The following FOXP1 variants were observed in gnomAD, a reference collection of about 807,000 sequenced individuals.
FOXP1 encodes forkhead box protein P1.
Under a neutral mutation model 98.2 loss-of-function variants are expected in FOXP1, and 15 were observed. The ratio of observed to expected loss-of-function variants is 0.15; its 90% CI spans 0.10 to 0.24. The LOEUF (loss-of-function observed/expected upper bound fraction) is 0.24, where lower values mean the gene tolerates loss of function less well. Ranked by LOEUF, FOXP1 falls within the 10% of genes least tolerant of loss-of-function variation. The probability of loss-of-function intolerance (pLI) is 1.00; values close to 1 mark genes in which losing one functional copy is unlikely to be tolerated. For missense variants in FOXP1, 633 were observed against 848.5 expected (o/e 0.75, Z 3.15); for synonymous variants, 371 against 314.5 (o/e 1.18, Z -1.90).
intron 5 of FOXP1, among the ~76,000 whole-genome samples, chr3:71,231,016 C>T (rs1225586712): frequency 5.3e-5 from 8 of 152,108 alleles, no homozygotes; most frequent in South Asian, 2.1e-4. Flanking sequence ...TTTTTCCCTC[C>T]GCTCTTTAAT....
At chr3:71,022,511 C>T (rs2045579301) in intron 11 of FOXP1, among the ~76,000 whole-genome samples, 1 of 152,176 alleles carries the variant, frequency 6.6e-6, no homozygotes, top group African/African-American at 2.4e-5. Context: ...TTTCCCAGAT[C>T]CTGTTGATCC....
intron 13 of FOXP1, among the ~76,000 whole-genome samples, chr3:70,988,317 C>A (rs2040084495): frequency 2.0e-5 from 3 of 152,200 alleles, no homozygotes; most frequent in Non-Finnish European, 2.9e-5. Flanking sequence ...GACCTGCTGG[C>A]ACCACGCAGT....
intron 14 of FOXP1, among the ~76,000 whole-genome samples, chr3:70,982,980 T>C (rs144071448): frequency 2.6e-5 from 4 of 152,380 alleles, no homozygotes; most frequent in Admixed American, 6.5e-5. Flanking sequence ...TTTTCTGCTC[T>C]TGTTTTACTG....
At chr3:71,535,051 A>T (rs1459728618) in intron 2 of FOXP1, among the ~76,000 whole-genome samples, 1 of 152,172 alleles carries the variant, frequency 6.6e-6, no homozygotes, top group Non-Finnish European at 1.5e-5. Context: ...CAATGCTTGG[A>T]GAAGGAGCAG....
chr3:71,420,585 A>G (rs1386656313), intron 3 of FOXP1, among the ~76,000 whole-genome samples: 1 of 152,220 alleles, frequency 6.6e-6, no homozygotes, highest in Non-Finnish European at 1.5e-5. Context: ...ATAGTCACAC[A>G]TTCTACATAT....
At chr3:71,008,145 A>G (rs2043039302) in intron 12 of FOXP1, among the ~76,000 whole-genome samples, 1 of 152,198 alleles carries the variant, frequency 6.6e-6, no homozygotes, top group South Asian at 2.1e-4. Flanking sequence ...TCCCCCAAGC[A>G]CATAAGAGTA....
intron 9 of FOXP1, among the ~76,000 whole-genome samples, chr3:71,049,116 C>G (rs183707419): frequency 4.0e-4 from 61 of 152,212 alleles, no homozygotes; most frequent in Admixed American, 2.9e-3. Context: ...AAAAGGTCTC[C>G]GTGCAGTCCC....
intron 3 of FOXP1, among the ~76,000 whole-genome samples, chr3:71,403,695 A>C (rs114159714): frequency 0.012 from 1,802 of 151,956 alleles, 43 homozygotes; most frequent in African/African-American, 0.042. Flanking sequence ...TTAAAAATAC[A>C]AAAAAAATAG....
Position 71,082,462 on chromosome 3 carries a change from A to G in FOXP1, c.283-28689T>C, listed in dbSNP as rs367583353. On this transcript the variant is annotated intron_variant, in intron 7 of 20. Coordinates refer to ENST00000649528, the MANE Select transcript of FOXP1 (RefSeq NM_001349338.3). ...GGACACAGGGAGGGGAACATCACACACCGGGGCCTGTCAGGGGGTGGGGGG... is the reference window on the plus strand; with the variant it reads ...GGACACAGGGAGGGGAACATCACACGCCGGGGCCTGTCAGGGGGTGGGGGG... Among the ~76,000 whole-genome samples, 16 of 135,548 alleles carry G rather than the reference A, an allele frequency of 1.2e-4. No individual in the cohort carries two copies. The East Asian group carries it at 3.9e-3, about 33-fold the overall frequency. The allele number at this position is 135,548 out of a possible 152,430, so 88.9% of individuals were successfully genotyped here.
At chr3:71,535,393 G>C (rs1397929758) in intron 2 of FOXP1, among the ~76,000 whole-genome samples, 2 of 152,110 alleles carry the variant, frequency 1.3e-5, no homozygotes, top group Non-Finnish European at 2.9e-5. Context: ...CAGTGGCAAA[G>C]CAGAGATATG....
chr3:71,136,144 G>C (rs2059811315), intron 6 of FOXP1, among the ~76,000 whole-genome samples: 1 of 152,200 alleles, frequency 6.6e-6, no homozygotes, highest in Non-Finnish European at 1.5e-5. Flanking sequence ...CTAATGCTCT[G>C]AGACAGGTTA....
intron 6 of FOXP1, chr3:71,197,843 C>T (rs962759530): frequency 1.1e-5 from 18 of 1,594,108 alleles, no homozygotes; most frequent in Admixed American, 3.4e-5. Flanking sequence ...GCCTGTTTTT[C>T]GTTTAATTTT....
At chr3:71,336,129 G>C (rs1185446397) in intron 4 of FOXP1, among the ~76,000 whole-genome samples, 3 of 151,088 alleles carry the variant, frequency 2.0e-5, no homozygotes, top group African/African-American at 7.3e-5. Context: ...AAGGACAGAG[G>C]AGCGAATGCA....
intron 2 of FOXP1, among the ~76,000 whole-genome samples, chr3:71,565,356 G>A (rs1363122310): frequency 9.2e-5 from 14 of 152,100 alleles, no homozygotes; most frequent in Admixed American, 2.0e-4. Flanking sequence ...TTATTGTTAG[G>A]ATATTTTATT....
rs192575858 is a variant in FOXP1 at position 71,398,014 on chromosome 3, C to G, written c.-167-38770G>C. On this transcript the variant is annotated intron_variant, in intron 3 of 20. Transcript: ENST00000649528. Reference sequence around the variant, plus strand: ...GAAGGAAAACCAGAAAGATCACTACCTTCTGTCCACAGAATAGCTTTTAAG... The same window carrying G: ...GAAGGAAAACCAGAAAGATCACTACGTTCTGTCCACAGAATAGCTTTTAAG... Among the ~76,000 whole-genome samples the G allele has an allele frequency of 2.0e-5, 3 of 152,262 alleles. No homozygotes were observed. In the East Asian group the frequency reaches 5.8e-4, roughly 29 times the overall value.
At chr3:71,487,323 G>A (rs1264324524) in intron 3 of FOXP1, among the ~76,000 whole-genome samples, 1 of 152,178 alleles carries the variant, frequency 6.6e-6, no homozygotes, top group Admixed American at 6.5e-5. Flanking sequence ...GCTTCCCAGT[G>A]TTGGGATTAC....
intron 5 of FOXP1, among the ~76,000 whole-genome samples, chr3:71,270,701 T>C (rs914632171): frequency 6.6e-6 from 1 of 152,214 alleles, no homozygotes; most frequent in African/African-American, 2.4e-5. Context: ...CTTAATCTTC[T>C]TACAGGACAG....
intron 3 of FOXP1, among the ~76,000 whole-genome samples, chr3:71,474,668 T>C (rs1453963230): frequency 6.6e-6 from 1 of 151,940 alleles, no homozygotes; most frequent in African/African-American, 2.4e-5. Flanking sequence ...GCACTCCTTA[T>C]GAGAATCTAA....
At chr3:71,296,957 T>C (rs982740879) in intron 5 of FOXP1, among the ~76,000 whole-genome samples, 4 of 152,236 alleles carry the variant, frequency 2.6e-5, no homozygotes, top group African/African-American at 9.6e-5. Flanking sequence ...CCTAAGGTCC[T>C]TACTAGAAGT....
Sources: allele counts gnomAD v4.1 joint callset (sites outside exome capture counted in the v4.1 genomes callset), GRCh38; gene constraint gnomAD v4.1.1; transcripts MANE v1.5; gene names NCBI Gene and HGNC (gene_info 2026-07-23, HGNC 2026-07-21).